SGIP1: variants seen among roughly 807,000 people sequenced by gnomAD.
SGIP1 encodes the protein SH3-containing GRB2-like protein 3-interacting protein 1.
SGIP1 carries 38 observed loss-of-function variants against 107.5 expected under a neutral mutation model. That is an observed-to-expected ratio of 0.35 (90% confidence interval 0.27 to 0.46). The LOEUF (loss-of-function observed/expected upper bound fraction) is 0.46, where lower values mean the gene tolerates loss of function less well. Among genes scored for constraint, SGIP1 ranks in the 20% least tolerant of loss-of-function variants. The probability of loss-of-function intolerance (pLI) is 1.00; values close to 1 mark genes in which losing one functional copy is unlikely to be tolerated. For synonymous variants in SGIP1, 365 were observed against 366.1 expected (o/e 1.00, Z 0.03); for missense variants, 929 against 1,019.5 (o/e 0.91, Z 1.21).
At chr1:66,724,530 A>G (rs1458077482) in intron 19 of SGIP1, among the ~76,000 whole-genome samples, 1 of 152,228 alleles carries the variant, frequency 6.6e-6, no homozygotes, top group African/African-American at 2.4e-5. Context: ...TGATGCTGAA[A>G]TGTAATTGAG....
At position 66,679,689 on chromosome 1, in the gene SGIP1, C is replaced by G; in HGVS notation, c.751C>G (p.Leu251Val). 1 of 1,606,988 alleles carries G rather than the reference C, an allele frequency of 6.2e-7. No individual in the cohort carries two copies. Among genetic ancestry groups the G allele is most frequent in the Non-Finnish European group, 8.5e-7 (1 of 1,178,082 alleles). ...RPFPTGTPPP[L>V]PPKNVPATPP... ...TCATCTTTTTGCAGCACCTCCACCA[C>G]TGCCTCCAAAAAATGTACCAGCTAC... The change falls in exon 14 of 25, where the codon CTG (leucine) becomes GTG (valine). Residue 251 changes from leucine (L) to valine (V), a missense_variant. Around this residue, in one of 2 missense-constraint regions of SGIP1, gnomAD observed 588 missense variants for 588.6 expected, o/e 1.00. Transcript: ENST00000371037.
chr1:66,689,523 T>C (rs2089332976), intron 16 of SGIP1, among the ~76,000 whole-genome samples: 1 of 152,200 alleles, frequency 6.6e-6, no homozygotes, highest in Non-Finnish European at 1.5e-5. Context: ...GTGGGTTAGA[T>C]ACAAATGACG....
rs192237190 is a variant in SGIP1, at chr1:66,619,067, T to C, written c.11-6780T>C. On this transcript the variant is annotated intron_variant, in intron 1 of 24. Coordinates refer to ENST00000371037, the MANE Select transcript of SGIP1 (RefSeq NM_032291.4). ...TTAACTGGGTTCTACATATTGATCC[T>C]AAAGAGCGGTCATTGCCAACTTACC... is the stretch of plus-strand genomic sequence containing the variant. Among the ~76,000 whole-genome samples the C allele has an allele frequency of 1.4e-3, 214 of 152,334 alleles. 1 individual carries two copies. Among genetic ancestry groups the C allele is most frequent in the Admixed American group, 9.0e-3 (137 of 15,302 alleles).
intron 1 of SGIP1, among the ~76,000 whole-genome samples, chr1:66,553,345 G>A (rs749533487): frequency 1.4e-4 from 21 of 151,960 alleles, no homozygotes; most frequent in Non-Finnish European, 2.8e-4. Flanking sequence ...GTTATAGATG[G>A]CATTTTTTTT....
At chr1:66,695,283 C>T in intron 17 of SGIP1, 151 bp from the exon 18 acceptor site, 3 of 1,171,200 alleles carry the variant, frequency 2.6e-6, no homozygotes, top group South Asian at 4.7e-5. Flanking sequence ...TGTAGATTGC[C>T]AGCCTTCCCT....
chr1:66,611,911 T>C lies in SGIP1; in HGVS notation c.11-13936T>C, dbSNP rs1475827135. On this transcript the variant is annotated intron_variant, in intron 1 of 24. Transcript: ENST00000371037. ...TCATGTGAACACTAGATTGTCTTGATAGATTACTGAAAATTAAATGTTACA... is the reference window on the plus strand; with the variant it reads ...TCATGTGAACACTAGATTGTCTTGACAGATTACTGAAAATTAAATGTTACA... 2.0e-5 allele frequency among the ~76,000 whole-genome samples: 3 copies of C among 152,218 alleles called. No individual in the cohort carries two copies. The South Asian group carries it at 6.2e-4, about 32-fold the overall frequency.
intron 18 of SGIP1, among the ~76,000 whole-genome samples, chr1:66,717,588 C>T (rs932206797): frequency 6.6e-6 from 1 of 152,126 alleles, no homozygotes; most frequent in Non-Finnish European, 1.5e-5. Flanking sequence ...CAGACTCACC[C>T]AGTGGCACTG....
chr1:66,584,473 A>G (rs1415056410), intron 1 of SGIP1, among the ~76,000 whole-genome samples: 1 of 152,142 alleles, frequency 6.6e-6, no homozygotes, highest in African/African-American at 2.4e-5. Context: ...CCATGTTAAA[A>G]TTTCTCTAGC....
At chr1:66,559,715 T>C (rs1214319095) in intron 1 of SGIP1, among the ~76,000 whole-genome samples, 1 of 152,044 alleles carries the variant, frequency 6.6e-6, no homozygotes, top group African/African-American at 2.4e-5. Context: ...CTGTCTCTGG[T>C]GTCTCTGTTT....
At position 66,750,034 on chromosome 1, in the gene SGIP1, GGGGTGTGT is replaced by G. The variant is rs1233435114; in HGVS notation, c.*6941_*6948del. Among the ~76,000 whole-genome samples the G allele has an allele frequency of 5.5e-4, 51 of 92,070 alleles. 1 individual carries two copies. The highest frequency in any genetic ancestry group is 5.2e-3 in the Middle Eastern group (1 of 192). The allele number at this position is 92,070 out of a possible 152,430, so 60.4% of individuals were successfully genotyped here. A position where few individuals can be genotyped will look rare whatever the true frequency, so the allele number is the denominator to read the frequency against. On this transcript the variant is annotated 3_prime_UTR_variant, in exon 25 of 25. Transcript: ENST00000371037. ...CTCTCTCTTTCTCTGTGTGTGTGTG[GGGGTGTGT>G]GTGTGTGTGTGTGTGTGTGTGTGTG... is the stretch of plus-strand genomic sequence containing the variant.
At chr1:66,647,221 T>C (rs1032326794) in intron 7 of SGIP1, among the ~76,000 whole-genome samples, 5 of 152,214 alleles carry the variant, frequency 3.3e-5, no homozygotes, top group African/African-American at 1.2e-4. Context: ...TGCTTCTCGT[T>C]TCCTAGAGTA....
intron 21 of SGIP1, among the ~76,000 whole-genome samples, chr1:66,738,603 T>A (rs1372746366): frequency 2.0e-5 from 3 of 152,178 alleles, no homozygotes; most frequent in Non-Finnish European, 2.9e-5. Flanking sequence ...TGATTCTAAT[T>A]AGTATCAACA....
intron 5 of SGIP1, 36 bp from the exon 6 acceptor site, chr1:66,642,774 G>C: frequency 6.4e-7 from 1 of 1,563,086 alleles, no homozygotes; most frequent in Non-Finnish European, 8.7e-7. Flanking sequence ...TCACTGTTAG[G>C]ATAATAATTA....
chr1:66,708,255 T>C (rs1207003437), intron 18 of SGIP1, among the ~76,000 whole-genome samples: 2 of 152,172 alleles, frequency 1.3e-5, no homozygotes, highest in African/African-American at 4.8e-5. Flanking sequence ...ATGAGGCATG[T>C]AATGTGTTTA....
chr1:66,615,001 A>G (rs7530439), intron 1 of SGIP1, among the ~76,000 whole-genome samples: 19,403 of 151,142 alleles, frequency 0.13, 1,327 homozygotes, highest in Admixed American at 0.18. Context: ...GTATTTTTTT[A>G]GTAGAGACGG....
intron 18 of SGIP1, among the ~76,000 whole-genome samples, chr1:66,702,402 C>T (rs991049124): frequency 6.6e-6 from 1 of 152,144 alleles, no homozygotes; most frequent in East Asian, 1.9e-4. Flanking sequence ...CATTTAATGT[C>T]TCTGGGTCTC....
intron 20 of SGIP1, among the ~76,000 whole-genome samples, chr1:66,732,185 A>G (rs2094043755): frequency 6.6e-6 from 1 of 152,168 alleles, no homozygotes; most frequent in African/African-American, 2.4e-5. Flanking sequence ...ATGTTGCTAG[A>G]TATTAATTCT....
At chr1:66,733,952 A>T in intron 21 of SGIP1, 72 bp downstream of exon 21, 1 of 1,453,128 alleles carries the variant, frequency 6.9e-7, no homozygotes, top group South Asian at 1.5e-5. Flanking sequence ...ACTATTGAAT[A>T]AAAGTAACTA....
chr1:66,533,979 TG>T (rs1472258191), upstream of SGIP1, among the ~76,000 whole-genome samples: 1 of 98,726 alleles, frequency 1.0e-5, no homozygotes, highest in African/African-American at 4.0e-5. Flanking sequence ...CGGGAGGCGA[TG>T]GGGGTGGAGG....
Sources: allele counts gnomAD v4.1 joint callset (sites outside exome capture counted in the v4.1 genomes callset), GRCh38; gene constraint gnomAD v4.1.1; regional missense constraint gnomAD v4.1.1; transcripts MANE v1.5; gene names NCBI Gene and HGNC (gene_info 2026-07-23, HGNC 2026-07-21).